The following SUDS3 variants were observed in gnomAD, a reference collection of about 807,000 sequenced individuals.
SUDS3 encodes the protein SIN3A corepressor complex component SDS3.
A neutral mutation model predicts 53.5 loss-of-function variants in SUDS3; 23 were observed. That is an observed-to-expected ratio of 0.43 (90% CI 0.31 to 0.61). The LOEUF (loss-of-function observed/expected upper bound fraction) is 0.61, where lower values mean the gene tolerates loss of function less well. Ranked by LOEUF, SUDS3 falls within the 20% of genes least tolerant of loss-of-function variation. The pLI is 0.10. For synonymous variants in SUDS3, 150 were observed against 148.5 expected (o/e 1.01, Z -0.08); for missense variants, 291 against 405.9 (o/e 0.72, Z 2.43).
In SUDS3 at chr12:118,400,751, C is replaced by T. The variant is rs760954042; in HGVS notation, c.610C>T (p.Pro204Ser). Reference protein sequence around the residue: ...PIPDKRRKPAPAQLNYLLTDE... With the variant: ...PIPDKRRKPASAQLNYLLTDE... ...CCCAGACAAGAGGAGGAAACCTGCT[C>T]CAGATATCCATTTACATCAAGCCTT... is the stretch of plus-strand genomic sequence containing the variant. The change falls in exon 7 of 12, where the codon CCA (proline) becomes TCA (serine). Residue 204 changes from proline to serine, a missense_variant. By Grantham distance (74) the Pro-to-Ser change is moderately conservative. This residue lies in a region of SUDS3 where 55 missense variants were observed against 124.2 expected (regional missense o/e 0.44). Coordinates refer to ENST00000543473, the MANE Select transcript of SUDS3 (RefSeq NM_022491.3). 4 of 1,613,834 alleles carry T rather than the reference C, an allele frequency of 2.5e-6. No homozygotes were observed. The highest frequency in any genetic ancestry group is 1.1e-5 in the South Asian group (1 of 91,076).
At chr12:118,403,181 G>C (rs1458275860) in intron 9 of SUDS3, among the ~76,000 whole-genome samples, 2 of 152,176 alleles carry the variant, frequency 1.3e-5, no homozygotes, top group Non-Finnish European at 2.9e-5. Context: ...AAACCCAGGT[G>C]TCTCTTCCAT....
rs2046388347 is a variant in SUDS3, at chr12:118,415,018, C to T, written c.*585C>T. ...ACATCTGTGCACACCATCCATTCCG[C>T]TCGCTGAGCGATGGAAAAGCTTGCC... On this transcript the variant is annotated 3_prime_UTR_variant, in exon 12 of 12. Coordinates refer to ENST00000543473, the MANE Select transcript of SUDS3 (RefSeq NM_022491.3). The T allele has an allele frequency of 6.6e-6, 1 of 152,282 alleles. No homozygotes were observed. Among genetic ancestry groups the T allele is most frequent in the African/African-American group, 2.4e-5 (1 of 41,464 alleles). The allele number at this position is 152,282 out of a possible 1,614,324, so 9.4% of individuals were successfully genotyped here.
At chr12:118,414,262 T>C in intron 11 of SUDS3, 73 bp from the exon 12 acceptor site, 1 of 1,106,524 alleles carries the variant, frequency 9.0e-7, no homozygotes. Context: ...CTCGTGCAGA[T>C]ATTTTGATGG....
At chr12:118,406,456 C>T (rs572810565) in intron 10 of SUDS3, among the ~76,000 whole-genome samples, 1 of 152,292 alleles carries the variant, frequency 6.6e-6, no homozygotes, top group South Asian at 2.1e-4. Flanking sequence ...CCTCCTCGCC[C>T]CACTTTTGTG....
chr12:118,397,220 G>A (rs1000334722), intron 6 of SUDS3, among the ~76,000 whole-genome samples: 5 of 152,094 alleles, frequency 3.3e-5, no homozygotes, highest in Non-Finnish European at 7.3e-5. Flanking sequence ...CTGCTCAGGT[G>A]TCTTCTCTGG....
intron 2 of SUDS3, among the ~76,000 whole-genome samples, chr12:118,381,874 G>T (rs1010056434): frequency 5.3e-5 from 8 of 152,178 alleles, no homozygotes; most frequent in African/African-American, 1.4e-4. Context: ...GAATGTGTTA[G>T]GTTTTTAAAG....
chr12:118,377,387 CTG>C (rs1030778458), intron 1 of SUDS3, among the ~76,000 whole-genome samples: 1 of 152,172 alleles, frequency 6.6e-6, no homozygotes, highest in Non-Finnish European at 1.5e-5. Context: ...ATTTACCCAA[CTG>C]TAATGGAGCT....
At chr12:118,383,890 C>G in intron 2 of SUDS3, 122 bp from the exon 3 acceptor site, 1 of 820,744 alleles carries the variant, frequency 1.2e-6, no homozygotes, top group East Asian at 2.7e-5. Context: ...TTACTTTCCT[C>G]TCTTCCCTGA....
chr12:118,380,199 T>C lies in SUDS3; in HGVS notation c.180T>C (p.His60=). The C allele has an allele frequency of 1.2e-6, 2 of 1,609,282 alleles. No individual in the cohort carries two copies. The highest frequency in any genetic ancestry group is 1.7e-6 in the Non-Finnish European group (2 of 1,177,860). The change falls in exon 2 of 12, where the codon CAT becomes CAC. Residue 60 remains histidine, a synonymous_variant. Coordinates refer to ENST00000543473, the MANE Select transcript of SUDS3 (RefSeq NM_022491.3). The part of the protein sequence containing the change: ...EDASETDLAK[H]DEEDYVEMKE... Reference sequence around the variant, plus strand: ...CTAGTGAAACTGACCTGGCAAAGCATGATGAAGAAGACTATGTAGAAATGA... The same window carrying C: ...CTAGTGAAACTGACCTGGCAAAGCACGATGAAGAAGACTATGTAGAAATGA...
At chr12:118,407,704 A>G (rs567194543) in intron 10 of SUDS3, among the ~76,000 whole-genome samples, 2 of 150,786 alleles carry the variant, frequency 1.3e-5, no homozygotes, top group Non-Finnish European at 1.5e-5. Flanking sequence ...TGTAACATGT[A>G]TATGTGTTAT....
At chr12:118,398,973 A>G (rs1173966993) in intron 6 of SUDS3, among the ~76,000 whole-genome samples, 1 of 152,096 alleles carries the variant, frequency 6.6e-6, no homozygotes, top group Non-Finnish European at 1.5e-5. Context: ...TACAGAAGGG[A>G]GAGGGTATTA....
At chr12:118,391,480 C>G (rs377376509) in intron 6 of SUDS3, among the ~76,000 whole-genome samples, 198 bp downstream of exon 6, 2 of 152,202 alleles carry the variant, frequency 1.3e-5, no homozygotes, top group South Asian at 2.1e-4. Flanking sequence ...CTTTTCTCCT[C>G]TATGAAATGG....
chr12:118,400,955 T>G (rs539535231), intron 7 of SUDS3, among the ~76,000 whole-genome samples: 4 of 152,230 alleles, frequency 2.6e-5, no homozygotes, highest in Non-Finnish European at 4.4e-5. Context: ...CTGCTTTTGG[T>G]GGGAGAGATG....
chr12:118,402,824 G>A (rs2046275388), intron 9 of SUDS3, among the ~76,000 whole-genome samples: 1 of 151,220 alleles, frequency 6.6e-6, no homozygotes, highest in African/African-American at 2.4e-5. Flanking sequence ...GCAGTGGCGT[G>A]AACTCGGCTC....
chr12:118,383,371 C>T (rs1218696769), intron 2 of SUDS3, among the ~76,000 whole-genome samples: 2 of 152,202 alleles, frequency 1.3e-5, no homozygotes, highest in Admixed American at 6.5e-5. Flanking sequence ...TTATGACTGC[C>T]TATAATCCAT....
chr12:118,414,148 C>T (rs888531080), intron 11 of SUDS3, among the ~76,000 whole-genome samples, 187 bp from the exon 12 acceptor site: 6 of 152,184 alleles, frequency 3.9e-5, no homozygotes, highest in African/African-American at 1.4e-4. Context: ...CTGTTCCCAG[C>T]GGCATGCCTT....
rs752710034 is a variant in SUDS3 at position 118,414,583 on chromosome 12, C to T, written c.*150C>T. On this transcript the variant is annotated 3_prime_UTR_variant, in exon 12 of 12. Coordinates refer to ENST00000543473, the MANE Select transcript of SUDS3 (RefSeq NM_022491.3). The stretch of plus-strand genomic sequence containing the variant: ...GAGCACTGCAGTGAATTCTTTAGGG[C>T]ACTTTTGTGGCCGGATGCTTCCAAC... 22 of 581,394 alleles carry T rather than the reference C, an allele frequency of 3.8e-5. No homozygotes were observed. Among genetic ancestry groups the T allele is most frequent in the African/African-American group, 5.8e-5 (3 of 51,884 alleles). 36.0% of individuals were successfully genotyped at this position (581,394 alleles called of 1,614,324 possible). A position where few individuals can be genotyped will look rare whatever the true frequency, so the allele number is the denominator to read the frequency against.
intron 7 of SUDS3, 109 bp from the exon 8 acceptor site, chr12:118,401,650 C>A: frequency 1.1e-6 from 1 of 935,590 alleles, no homozygotes; most frequent in South Asian, 1.5e-5. Context: ...GTAGAAACAT[C>A]ATTTAACAAA....
At chr12:118,412,121 G>A (rs946818283) in intron 11 of SUDS3, among the ~76,000 whole-genome samples, 1 of 152,192 alleles carries the variant, frequency 6.6e-6, no homozygotes, top group Admixed American at 6.5e-5. Flanking sequence ...GATGGATGGG[G>A]TCTGGTTTTA....
Sources: gnomAD v4.1 joint callset for allele counts (sites outside exome capture counted in the v4.1 genomes callset) on GRCh38, gnomAD v4.1.1 for gene constraint, gnomAD v4.1.1 regional missense constraint, MANE v1.5 for transcripts, NCBI Gene and HGNC (gene_info 2026-07-23, HGNC 2026-07-21) for gene names.